CBLB: variants seen among roughly 807,000 people sequenced by gnomAD.
CBLB encodes the protein E3 ubiquitin-protein ligase CBL-B.
In CBLB, 31 loss-of-function variants were observed where a neutral mutation model predicts 104.9. The ratio of observed to expected loss-of-function variants is 0.30; its 90% confidence interval spans 0.22 to 0.40. The LOEUF is 0.40. CBLB is among the 10% of genes least tolerant of loss of function. The probability of loss-of-function intolerance (pLI) is 1.00; values close to 1 mark genes in which losing one functional copy is unlikely to be tolerated. For missense variants in CBLB, 1,062 were observed against 1,214.6 expected (o/e 0.87, Z 1.87); for synonymous variants, 440 against 422.6 (o/e 1.04, Z -0.51).
At chr3:105,694,574 T>A (rs1309807055) in intron 12 of CBLB, among the ~76,000 whole-genome samples, 1 of 151,904 alleles carries the variant, frequency 6.6e-6, no homozygotes, top group Admixed American at 6.6e-5. Flanking sequence ...CCCATCATAT[T>A]TCTAAAATGA....
chr3:105,672,044 T>C (rs777928410), intron 17 of CBLB: 26 of 192,800 alleles, frequency 1.3e-4, no homozygotes, highest in Non-Finnish European at 2.6e-4. Context: ...AAATTTACTT[T>C]AGGTTCTTGT....
At chr3:105,770,143 G>A (rs188003669) in intron 4 of CBLB, among the ~76,000 whole-genome samples, 2 of 151,876 alleles carry the variant, frequency 1.3e-5, no homozygotes, top group Admixed American at 1.3e-4. Flanking sequence ...CTCCCACTTG[G>A]AAGGACAGAA....
chr3:105,808,793 T>G (rs1264477144), intron 3 of CBLB, among the ~76,000 whole-genome samples: 1 of 152,184 alleles, frequency 6.6e-6, no homozygotes. Flanking sequence ...AAACCAGTTA[T>G]AGAAATAACT....
chr3:105,807,576 C>G (rs947198325), intron 3 of CBLB, among the ~76,000 whole-genome samples: 1 of 152,014 alleles, frequency 6.6e-6, no homozygotes, highest in South Asian at 2.1e-4. Context: ...ATAATTTCAT[C>G]ATAGTTGGAT....
At chr3:105,726,813 T>C (rs1438150679) in intron 9 of CBLB, among the ~76,000 whole-genome samples, 1 of 152,210 alleles carries the variant, frequency 6.6e-6, no homozygotes, top group Admixed American at 6.5e-5. Context: ...TTGGCTTTTC[T>C]GTTCTTGTGT....
intron 2 of CBLB, among the ~76,000 whole-genome samples, chr3:105,860,612 G>A (rs2092009592): frequency 1.3e-5 from 2 of 152,186 alleles, no homozygotes; most frequent in Admixed American, 1.3e-4. Flanking sequence ...TATGCACTGT[G>A]TCCAGAACAT....
intron 3 of CBLB, among the ~76,000 whole-genome samples, chr3:105,834,087 T>A (rs1421460074): frequency 1.9e-5 from 1 of 52,408 alleles, no homozygotes; most frequent in African/African-American, 7.8e-5. Context: ...TTTCCTGGGG[T>A]GGGGGTGGGC....
At chr3:105,852,231 T>C (rs2091030820) in intron 3 of CBLB, among the ~76,000 whole-genome samples, 1 of 152,054 alleles carries the variant, frequency 6.6e-6, no homozygotes, top group South Asian at 2.1e-4. Flanking sequence ...CATGCTAAAA[T>C]GCAAATTGTT....
chr3:105,821,416 G>A (rs2085844184), intron 3 of CBLB, among the ~76,000 whole-genome samples: 1 of 152,128 alleles, frequency 6.6e-6, no homozygotes, highest in Non-Finnish European at 1.5e-5. Flanking sequence ...GATCTAATCA[G>A]TCCTTTCTAG....
At chr3:105,713,834 C>T (rs1220629587) in intron 10 of CBLB, among the ~76,000 whole-genome samples, 1 of 152,134 alleles carries the variant, frequency 6.6e-6, no homozygotes, top group Non-Finnish European at 1.5e-5. Context: ...ACTATTAGTA[C>T]TATGGTCAGA....
In CBLB at chr3:105,659,823, A is replaced by G. The variant is rs767877773; in HGVS notation, c.2690-594T>C. On this transcript the variant is annotated intron_variant, in intron 18 of 18. Transcript: ENST00000394030. ...TGCCTTACTGATGCTAGGAGAAAAA[A>G]AAAACAAAATAGTAGATGCTTTGAC... Among the ~76,000 whole-genome samples, 3 of 152,326 alleles carry G rather than the reference A, an allele frequency of 2.0e-5. No individual in the cohort carries two copies. In the East Asian group the frequency reaches 5.8e-4, roughly 29 times the overall value.
chr3:105,665,482 T>A (rs1158658193), intron 18 of CBLB, among the ~76,000 whole-genome samples: 1 of 146,006 alleles, frequency 6.8e-6, no homozygotes, highest in Non-Finnish European at 1.5e-5. Context: ...CACACACATA[T>A]ATATATTTCA....
At chr3:105,800,683 C>T (rs1156398736) in intron 3 of CBLB, among the ~76,000 whole-genome samples, 1 of 152,074 alleles carries the variant, frequency 6.6e-6, no homozygotes, top group Non-Finnish European at 1.5e-5. Flanking sequence ...ACACAAACCC[C>T]CCCACCCACT....
chr3:105,694,305 T>C (rs1237118045), intron 12 of CBLB, among the ~76,000 whole-genome samples: 1 of 151,980 alleles, frequency 6.6e-6, no homozygotes, highest in Non-Finnish European at 1.5e-5. Flanking sequence ...GAAAAACTGT[T>C]CGTTTCTCCT....
At chr3:105,864,988 C>A (rs2092342126) in intron 2 of CBLB, among the ~76,000 whole-genome samples, 1 of 152,172 alleles carries the variant, frequency 6.6e-6, no homozygotes, top group Admixed American at 6.5e-5. Context: ...CTTAACTCTG[C>A]CTTTTACATA....
Position 105,746,021 on chromosome 3 carries a change from C to T in CBLB, c.741G>A (p.Leu247=), listed in dbSNP as rs2076069072. 1 of 1,605,632 alleles carries T rather than the reference C, an allele frequency of 6.2e-7. No individual in the cohort carries two copies. The highest frequency in any genetic ancestry group is 1.1e-5 in the South Asian group (1 of 90,910). ...TCACAGCTAAGAAATTCCAATTCCG[C>T]AAAATAGAGCCCCAAGGCTAAAAAA... ...TRLFQPWGSI[L]RNWNFLAVTH... The change falls in exon 6 of 19, where the codon TTG becomes TTA. Residue 247 remains leucine, a synonymous_variant. Transcript: ENST00000394030.
intron 6 of CBLB, among the ~76,000 whole-genome samples, chr3:105,745,672 C>T (rs76644852): frequency 1.8e-4 from 27 of 152,274 alleles, no homozygotes; most frequent in African/African-American, 6.3e-4. Flanking sequence ...TGCACATAAA[C>T]ACGGATATCA....
chr3:105,753,041 A>C (rs1224578379), intron 4 of CBLB, among the ~76,000 whole-genome samples: 2 of 152,230 alleles, frequency 1.3e-5, no homozygotes, highest in Admixed American at 1.3e-4. Context: ...CTGTAATGCT[A>C]AAGAATCTAG....
chr3:105,656,182 T>C lies in CBLB; in HGVS notation c.*2788A>G, dbSNP rs981048965. 3.6e-5 allele frequency: 8 copies of C among 219,394 alleles called. No homozygotes were observed. The highest frequency in any genetic ancestry group is 7.3e-5 in the Non-Finnish European group (8 of 109,292). 13.6% of individuals were successfully genotyped at this position (219,394 alleles called of 1,614,324 possible). ...TGGAATATAATTGAGGATAAGTCCT[T>C]CTATCTCCAGAACATGTTTGGGTTG... On this transcript the variant is annotated 3_prime_UTR_variant, in exon 19 of 19. Coordinates refer to ENST00000394030, the MANE Select transcript of CBLB (RefSeq NM_170662.5).
Sources: gnomAD v4.1 joint callset for allele counts (sites outside exome capture counted in the v4.1 genomes callset) on GRCh38, gnomAD v4.1.1 for gene constraint, MANE v1.5 for transcripts, NCBI Gene and HGNC (gene_info 2026-07-23, HGNC 2026-07-21) for gene names.